TENM4: variants seen among roughly 807,000 people sequenced by gnomAD.
TENM4 encodes teneurin-4.
In TENM4, 82 loss-of-function variants were observed where a neutral mutation model predicts 243.3. That is an observed-to-expected ratio of 0.34 (90% CI 0.28 to 0.40). TENM4 has a LOEUF of 0.40. Among genes scored for constraint, TENM4 ranks in the 10% least tolerant of loss-of-function variants. TENM4 has a pLI of 1.00. For missense variants in TENM4, 3,138 were observed against 3,673.3 expected, an observed-to-expected ratio of 0.85 and a Z score of 3.77; for synonymous variants, 1,412 against 1,456.3, an observed-to-expected ratio of 0.97 and a Z score of 0.69.
intron 18 of TENM4, among the ~76,000 whole-genome samples, chr11:78,764,077 C>T (rs924179363): frequency 5.3e-5 from 8 of 152,208 alleles, no homozygotes; most frequent in African/African-American, 1.9e-4. Flanking sequence ...GTACATGGGG[C>T]AGTCTCAAGG....
intron 22 of TENM4, among the ~76,000 whole-genome samples, chr11:78,728,216 A>G (rs1411171496): frequency 6.6e-6 from 1 of 152,198 alleles, no homozygotes; most frequent in Non-Finnish European, 1.5e-5. Context: ...CTTTGGTAGG[A>G]TTGTATGCGA....
At chr11:78,915,422 A>T (rs1046229836) in intron 6 of TENM4, among the ~76,000 whole-genome samples, 2 of 151,976 alleles carry the variant, frequency 1.3e-5, no homozygotes, top group Admixed American at 6.6e-5. Flanking sequence ...GAAGTGGATG[A>T]TTACCCTCTC....
chr11:79,128,844 G>T (rs1011094595), intron 4 of TENM4, among the ~76,000 whole-genome samples: 1 of 152,178 alleles, frequency 6.6e-6, no homozygotes, highest in Non-Finnish European at 1.5e-5. Flanking sequence ...CAGGGACTTG[G>T]AAGAAGCATG....
At chr11:79,292,447 C>G (rs1447443832) in intron 2 of TENM4, among the ~76,000 whole-genome samples, 1 of 152,206 alleles carries the variant, frequency 6.6e-6, no homozygotes, top group Non-Finnish European at 1.5e-5. Context: ...AGGAAGTCAC[C>G]CTTTTCTTGC....
chr11:79,378,783 T>G (rs1262497777), intron 1 of TENM4, among the ~76,000 whole-genome samples: 1 of 150,730 alleles, frequency 6.6e-6, no homozygotes, highest in Admixed American at 6.6e-5. Context: ...CTCAGGAGGC[T>G]GAGGTGGAAG....
intron 6 of TENM4, among the ~76,000 whole-genome samples, chr11:78,913,201 C>A (rs1313441262): frequency 6.6e-6 from 1 of 152,224 alleles, no homozygotes; most frequent in African/African-American, 2.4e-5. Context: ...GATGGTTCTT[C>A]CCTTCCTCCT....
intron 3 of TENM4, among the ~76,000 whole-genome samples, chr11:79,202,693 C>G (rs1863767126): frequency 6.6e-6 from 1 of 152,184 alleles, no homozygotes; most frequent in African/African-American, 2.4e-5. Context: ...TGGATCTGCT[C>G]TAACTTCCAC....
At chr11:79,045,448 G>A (rs900245835) in intron 6 of TENM4, among the ~76,000 whole-genome samples, 1 of 152,192 alleles carries the variant, frequency 6.6e-6, no homozygotes, top group Non-Finnish European at 1.5e-5. Flanking sequence ...AAGTCCATGA[G>A]TCGATGACTA....
chr11:78,805,362 G>A lies in TENM4; in HGVS notation c.2109C>T (p.His703=), dbSNP rs73498549. 5.4e-3 allele frequency: 8,369 copies of A among 1,535,960 alleles called. 244 individuals are homozygous for A. The African/African-American group carries it at 0.077, about 14-fold the overall frequency. ...RATCLDQCSG[H]GTFLPDTGLC... ...GCCCGGTGTCCGGGAGGAAGGTTCC[G>A]TGGCCTGAACACTGGTCTAAGCATG... is the stretch of plus-strand genomic sequence containing the variant. The change falls in exon 15 of 34, where the codon CAC becomes CAT. Residue 703 remains histidine, a synonymous_variant. Coordinates refer to ENST00000278550, the MANE Select transcript of TENM4 (RefSeq NM_001098816.3).
At chr11:78,727,924 C>T (rs77285175) in intron 22 of TENM4, among the ~76,000 whole-genome samples, 42 of 152,304 alleles carry the variant, frequency 2.8e-4, no homozygotes, top group African/African-American at 9.1e-4. Flanking sequence ...AAAAGACTGC[C>T]GACCATTTAT....
At chr11:78,941,258 C>T (rs1239727142) in intron 6 of TENM4, among the ~76,000 whole-genome samples, 2 of 152,226 alleles carry the variant, frequency 1.3e-5, no homozygotes, top group South Asian at 4.1e-4. Flanking sequence ...CTTAGAACTG[C>T]TGTGAAGATG....
chr11:78,765,850 T>A (rs1856529873), intron 18 of TENM4, among the ~76,000 whole-genome samples: 1 of 152,228 alleles, frequency 6.6e-6, no homozygotes, highest in Non-Finnish European at 1.5e-5. Flanking sequence ...TTTTCCTTTA[T>A]GTACGTTTGG....
chr11:78,956,367 C>G (rs906281192), intron 6 of TENM4, among the ~76,000 whole-genome samples: 4 of 152,150 alleles, frequency 2.6e-5, no homozygotes, highest in South Asian at 2.1e-4. Flanking sequence ...GGAAATGCTC[C>G]TTATCAACTC....
intron 6 of TENM4, among the ~76,000 whole-genome samples, chr11:78,957,137 TG>T (rs1418115749): frequency 6.6e-6 from 1 of 152,242 alleles, no homozygotes; most frequent in Admixed American, 6.5e-5. Flanking sequence ...TACTTAACTT[TG>T]CTACATAGCT....
intron 1 of TENM4, among the ~76,000 whole-genome samples, chr11:79,396,022 A>G (rs926926035): frequency 6.6e-6 from 1 of 152,206 alleles, no homozygotes; most frequent in Non-Finnish European, 1.5e-5. Context: ...CAGGTGTGCA[A>G]CAAACATCAA....
At chr11:79,410,312 C>A (rs374088622) in intron 1 of TENM4, among the ~76,000 whole-genome samples, 17 of 152,288 alleles carry the variant, frequency 1.1e-4, no homozygotes, top group African/African-American at 4.1e-4. Context: ...GTCCCCAGCA[C>A]CTCTCCAGTG....
At chr11:79,128,119 G>C (rs1861920824) in intron 4 of TENM4, among the ~76,000 whole-genome samples, 1 of 152,214 alleles carries the variant, frequency 6.6e-6, no homozygotes, top group South Asian at 2.1e-4. Flanking sequence ...TGGTGCTTGA[G>C]GTGTCAGTGG....
At chr11:78,684,171 C>T (rs4993013) in intron 29 of TENM4, among the ~76,000 whole-genome samples, 37,959 of 152,140 alleles carry the variant, frequency 0.25, 5,785 homozygotes, top group Middle Eastern at 0.38. Flanking sequence ...TATTTGAGTG[C>T]GTGCTGTGAG....
At chr11:79,098,144 G>A (rs1007347209) in intron 4 of TENM4, 4 of 152,120 alleles carry the variant, frequency 2.6e-5, no homozygotes, top group African/African-American at 7.2e-5. Context: ...GATTGTCTGC[G>A]ATCCTGGTCT....
Sources: gnomAD v4.1 joint callset for allele counts (sites outside exome capture counted in the v4.1 genomes callset) on GRCh38, gnomAD v4.1.1 for gene constraint, MANE v1.5 for transcripts, NCBI Gene and HGNC (gene_info 2026-07-23, HGNC 2026-07-21) for gene names.